Variants in SLC6A7 observed in about 807,000 individuals in gnomAD.
The protein encoded by SLC6A7 is solute carrier family 6 member 7.
In SLC6A7, 58 loss-of-function variants were observed where a neutral mutation model predicts 73.1. The observed-to-expected ratio is 0.79, with a 90% CI of 0.64 to 0.99. SLC6A7 has a LOEUF of 0.99. Ranked by LOEUF, SLC6A7 falls within the 50% of genes least tolerant of loss-of-function variation. The pLI is 0.00. For synonymous variants in SLC6A7, 338 were observed against 338.7 expected (o/e 1.00, Z 0.02); for missense variants, 783 against 831.4 (o/e 0.94, Z 0.72).
At chr5:150,197,890 T>C (rs1224031409) in intron 4 of SLC6A7, among the ~76,000 whole-genome samples, 3 of 152,070 alleles carry the variant, frequency 2.0e-5, no homozygotes, top group Non-Finnish European at 4.4e-5. Context: ...TTAAACAACA[T>C]AATGCAGGTG....
At position 150,209,752 on chromosome 5, in the gene SLC6A7, G is replaced by A; in HGVS notation, c.*137G>A. 1.4e-6 allele frequency: 1 copy of A among 701,478 alleles called. No individual in the cohort carries two copies. Among genetic ancestry groups the A allele is most frequent in the Non-Finnish European group, 2.5e-6 (1 of 399,272 alleles). The allele number at this position is 701,478 out of a possible 1,614,324, so 43.5% of individuals were successfully genotyped here. A position where few individuals can be genotyped will look rare whatever the true frequency, so the allele number is the denominator to read the frequency against. On this transcript the variant is annotated 3_prime_UTR_variant, in exon 14 of 14. Transcript: ENST00000230671. ...GCCATAGGGATGCCAGTCCCCCAGT[G>A]GGGGTCCCTTCTGCAGCCTCTGCCT...
At chr5:150,201,049 G>A in intron 5 of SLC6A7, 40 bp from the exon 6 acceptor site, 4 of 1,609,032 alleles carry the variant, frequency 2.5e-6, no homozygotes, top group South Asian at 1.1e-5. Context: ...ACTGAGTCAA[G>A]GTCCCCGATG....
chr5:150,199,778 G>C (rs991205195), intron 5 of SLC6A7, among the ~76,000 whole-genome samples: 14 of 152,296 alleles, frequency 9.2e-5, no homozygotes, highest in Admixed American at 7.2e-4. Flanking sequence ...GCTGGGTCTA[G>C]GGGTTCAATC....
Position 150,202,803 on chromosome 5 carries a change from G to T in SLC6A7, c.1087+100G>T, listed in dbSNP as rs923499071. The T allele has an allele frequency of 4.4e-6, 6 of 1,364,348 alleles. No individual in the cohort carries two copies. The East Asian group carries it at 9.8e-5, about 22-fold the overall frequency. The allele number at this position is 1,364,348 out of a possible 1,614,324, so 84.5% of individuals were successfully genotyped here. A position where few individuals can be genotyped will look rare whatever the true frequency, so the allele number is the denominator to read the frequency against. On this transcript the variant is annotated intron_variant, in intron 8 of 13. Coordinates refer to ENST00000230671, the MANE Select transcript of SLC6A7 (RefSeq NM_014228.5). ...AAGATTATGGATGGGGGCCAGGCGCGGTGGCTCATGCCTGTGATCCCAGCA... is the reference window on the plus strand; with the variant it reads ...AAGATTATGGATGGGGGCCAGGCGCTGTGGCTCATGCCTGTGATCCCAGCA...
chr5:150,190,279 C>A lies in SLC6A7; in HGVS notation c.-49C>A, dbSNP rs575751254. The stretch of plus-strand genomic sequence containing the variant: ...GCCAGCGGACCATCTCTCGTGCCCT[C>A]GCTCTCTGCGCTCCGGGGCAGCTGA... On this transcript the variant is annotated 5_prime_UTR_variant, in exon 1 of 14. Transcript: ENST00000230671. The A allele has an allele frequency of 1.4e-5, 21 of 1,481,902 alleles. No individual in the cohort carries two copies. Among genetic ancestry groups the A allele is most frequent in the Non-Finnish European group, 1.9e-5 (21 of 1,107,366 alleles). The allele number at this position is 1,481,902 out of a possible 1,614,324, so 91.8% of individuals were successfully genotyped here.
chr5:150,200,563 G>T (rs1298898674), intron 5 of SLC6A7, among the ~76,000 whole-genome samples: 1 of 152,198 alleles, frequency 6.6e-6, no homozygotes, highest in Non-Finnish European at 1.5e-5. Context: ...ATCAGAACTT[G>T]TTTCCTCTGC....
intron 1 of SLC6A7, among the ~76,000 whole-genome samples, chr5:150,192,379 C>A (rs965245322): frequency 1.3e-5 from 2 of 152,208 alleles, no homozygotes; most frequent in African/African-American, 4.8e-5. Context: ...GGCGAGCATG[C>A]AGGTCTGACA....
chr5:150,190,519 C>T (rs1752729185), intron 1 of SLC6A7, among the ~76,000 whole-genome samples, 159 bp downstream of exon 1: 2 of 152,152 alleles, frequency 1.3e-5, no homozygotes, highest in South Asian at 4.1e-4. Context: ...GGGTCAGGGT[C>T]ACGGTCTGCG....
chr5:150,194,415 G>A (rs941939032), intron 1 of SLC6A7, among the ~76,000 whole-genome samples: 1 of 150,662 alleles, frequency 6.6e-6, no homozygotes, highest in Non-Finnish European at 1.5e-5. Context: ...GGCAACAGAG[G>A]GAGACTCTTT....
chr5:150,196,810 GCCCCTGGCTGT>G lies in SLC6A7; in HGVS notation c.314_324del (p.Pro105LeufsTer182). ...CCCTGGGCCAGTTCTCCAGCCTAGG[GCCCCTGGCTGT>G]CTGGAAAATCAGCCCTCTCTTCAAA... On this transcript the variant is annotated frameshift_variant, in exon 3 of 14. Transcript: ENST00000230671. LOFTEE classifies it high-confidence loss of function. The G allele has an allele frequency of 6.2e-7, 1 of 1,614,068 alleles. No homozygotes were observed. The highest frequency in any genetic ancestry group is 1.1e-5 in the South Asian group (1 of 91,080).
intron 4 of SLC6A7, among the ~76,000 whole-genome samples, chr5:150,197,913 C>A (rs965029418): frequency 6.6e-6 from 1 of 152,092 alleles, no homozygotes; most frequent in African/African-American, 2.4e-5. Context: ...ACCATTATCA[C>A]GGTGCTGGGC....
Position 150,194,812 on chromosome 5 carries a change from T to A in SLC6A7, c.118T>A (p.Trp40Arg), listed in dbSNP as rs1752941851. 3 of 1,614,062 alleles carry A rather than the reference T, an allele frequency of 1.9e-6. No homozygotes were observed. The South Asian group carries it at 3.3e-5, about 18-fold the overall frequency. ...DVDFAAHRGNWTGKLDFLLSC... is the reference protein window; with the variant it reads ...DVDFAAHRGNRTGKLDFLLSC... ...GGACTTTGCTGCACACCGGGGGAACTGGACAGGCAAGCTGGACTTCCTGCT... is the reference window on the plus strand; with the variant it reads ...GGACTTTGCTGCACACCGGGGGAACAGGACAGGCAAGCTGGACTTCCTGCT... The change falls in exon 2 of 14, where the codon TGG (tryptophan) becomes AGG (arginine). Residue 40 changes from tryptophan to arginine, a missense_variant. Trp to Arg is a moderately radical substitution (Grantham distance 101). Transcript: ENST00000230671.
chr5:150,198,110 AG>A (rs1562085552), intron 4 of SLC6A7, among the ~76,000 whole-genome samples: 10 of 93,558 alleles, frequency 1.1e-4, no homozygotes, highest in African/African-American at 3.5e-4. Context: ...AAAGAAAGAA[AG>A]AAAGAGAAAG....
chr5:150,199,235 G>A lies in SLC6A7; in HGVS notation c.592G>A (p.Val198Ile), dbSNP rs770458246. ...GACCTTTGTCTCCCACAGCCGCTAC[G>A]TCCTCCACATCCAAGGCAGCCAGGG... ...SPSEEYWSRY[V>I]LHIQGSQGIG... Residue 198 changes from valine to isoleucine, a missense_variant, in exon 5 of 14, where the codon GTC (valine) becomes ATC (isoleucine). Val to Ile is a conservative substitution (Grantham distance 29). Transcript: ENST00000230671. 1.1e-5 allele frequency: 17 copies of A among 1,602,444 alleles called. No homozygotes were observed. Among genetic ancestry groups the A allele is most frequent in the Middle Eastern group, 1.7e-4 (1 of 6,042 alleles).
Position 150,190,375 on chromosome 5 carries a change from C to CG in SLC6A7, c.33+20dup. 3 of 1,484,186 alleles carry CG rather than the reference C, an allele frequency of 2.0e-6. No individual in the cohort carries two copies. The highest frequency in any genetic ancestry group is 1.3e-5 in the South Asian group (1 of 76,868). The allele number at this position is 1,484,186 out of a possible 1,614,324, so 91.9% of individuals were successfully genotyped here. The stretch of plus-strand genomic sequence containing the variant: ...ACCTCCGCAAGGTAGGGCACGAGGG[C>CG]GGGGGCGCTGGGGGTGCACCTGGAG... On this transcript the variant is annotated intron_variant, in intron 1 of 13. Transcript: ENST00000230671.
intron 1 of SLC6A7, among the ~76,000 whole-genome samples, chr5:150,193,813 C>T (rs57834150): frequency 2.6e-5 from 4 of 152,262 alleles, no homozygotes; most frequent in South Asian, 2.1e-4. Flanking sequence ...GTGCCCGGAA[C>T]GGAGGAACAA....
intron 5 of SLC6A7, 135 bp from the exon 6 acceptor site, chr5:150,200,954 G>T: frequency 1.2e-6 from 1 of 804,264 alleles, no homozygotes; most frequent in South Asian, 1.6e-5. Flanking sequence ...GAGGAGGGAA[G>T]CCTCAAGGAT....
chr5:150,194,672 AT>A (rs987281334), intron 1 of SLC6A7, 55 bp from the exon 2 acceptor site: 1 of 1,364,772 alleles, frequency 7.3e-7, no homozygotes, highest in Non-Finnish European at 1.0e-6. Context: ...TTGAGGTCAC[AT>A]TTCTGGCCTG....
intron 6 of SLC6A7, among the ~76,000 whole-genome samples, chr5:150,201,476 A>C (rs575515064): frequency 6.6e-6 from 1 of 152,302 alleles, no homozygotes; most frequent in East Asian, 1.9e-4. Flanking sequence ...TAGCATATGT[A>C]TTATCTCACA....
Sources: gnomAD v4.1 joint callset for allele counts (sites outside exome capture counted in the v4.1 genomes callset) on GRCh38, gnomAD v4.1.1 for gene constraint, MANE v1.5 for transcripts, NCBI Gene and HGNC (gene_info 2026-07-23, HGNC 2026-07-21) for gene names.